SLC25A16: variants seen among roughly 807,000 people sequenced by gnomAD.
SLC25A16 encodes solute carrier family 25 member 16.
Under a neutral mutation model 41.5 loss-of-function variants are expected in SLC25A16, and 39 were observed. That is an observed-to-expected ratio of 0.94 (90% CI 0.73 to 1.23). The LOEUF is 1.23. Among genes scored for constraint, SLC25A16 ranks in the 50% most tolerant of loss-of-function variants. The pLI, the probability that SLC25A16 is intolerant of heterozygous loss-of-function variation, is 0.00. For missense variants in SLC25A16, 421 were observed against 426.9 expected, an observed-to-expected ratio of 0.99 and a Z score of 0.12; for synonymous variants, 146 against 147.8, an observed-to-expected ratio of 0.99 and a Z score of 0.09.
chr10:68,484,465 T>C (rs1432241930), intron 8 of SLC25A16, among the ~76,000 whole-genome samples: 2 of 151,320 alleles, frequency 1.3e-5, no homozygotes, highest in Non-Finnish European at 2.9e-5. Flanking sequence ...TCTCACTCTG[T>C]TGCCTAGGCT....
chr10:68,520,132 A>C (rs1011883853), intron 1 of SLC25A16, among the ~76,000 whole-genome samples: 3 of 150,814 alleles, frequency 2.0e-5, no homozygotes, highest in Non-Finnish European at 4.4e-5. Flanking sequence ...TTCTTTTTTT[A>C]GTCTTTAGTA....
intron 4 of SLC25A16, among the ~76,000 whole-genome samples, chr10:68,497,198 G>A (rs1177027717): frequency 6.6e-6 from 1 of 152,096 alleles, no homozygotes; most frequent in Admixed American, 6.6e-5. Context: ...TGACATAGTG[G>A]GAGCAGCATC....
intron 4 of SLC25A16, among the ~76,000 whole-genome samples, chr10:68,501,978 C>A (rs2052854491): frequency 6.6e-6 from 1 of 152,032 alleles, no homozygotes. Context: ...CGGGTGGATA[C>A]CTGAAATCAG....
chr10:68,521,050 C>T (rs1189058916), intron 1 of SLC25A16, among the ~76,000 whole-genome samples: 2 of 152,036 alleles, frequency 1.3e-5, no homozygotes, highest in African/African-American at 4.8e-5. Flanking sequence ...AGGAGAATCA[C>T]TTGAACTTGG....
chr10:68,524,865 A>T (rs2053311038), intron 1 of SLC25A16, among the ~76,000 whole-genome samples: 1 of 151,776 alleles, frequency 6.6e-6, no homozygotes, highest in Non-Finnish European at 1.5e-5. Context: ...CGACAGAGTG[A>T]GACTCCATCT....
intron 4 of SLC25A16, among the ~76,000 whole-genome samples, chr10:68,497,389 G>GT (rs1346595854): frequency 1.3e-5 from 2 of 152,118 alleles, no homozygotes; most frequent in Non-Finnish European, 2.9e-5. Flanking sequence ...TTGGGAACAC[G>GT]TTACTACTTC....
At chr10:68,522,117 C>CA (rs1298346532) in intron 1 of SLC25A16, among the ~76,000 whole-genome samples, 1 of 150,732 alleles carries the variant, frequency 6.6e-6, no homozygotes, top group Non-Finnish European at 1.5e-5. Flanking sequence ...GAGCTGAGAT[C>CA]ATGCTGCTGC....
intron 4 of SLC25A16, among the ~76,000 whole-genome samples, chr10:68,498,388 A>G (rs564392795): frequency 7.2e-6 from 1 of 139,784 alleles, no homozygotes; most frequent in Non-Finnish European, 1.5e-5. Flanking sequence ...ATTCCCTTTT[A>G]AATATAAAAG....
chr10:68,509,953 C>T (rs968433020), intron 2 of SLC25A16, among the ~76,000 whole-genome samples: 22 of 151,336 alleles, frequency 1.5e-4, no homozygotes, highest in Non-Finnish European at 2.8e-4. Flanking sequence ...GGCACATGCC[C>T]GTAATCCCAG....
chr10:68,523,361 G>A (rs2053280214), intron 1 of SLC25A16, among the ~76,000 whole-genome samples: 1 of 152,144 alleles, frequency 6.6e-6, no homozygotes, highest in Non-Finnish European at 1.5e-5. Flanking sequence ...CCAAAGTGCT[G>A]AGAATAGAGG....
At chr10:68,498,415 C>G (rs545235671) in intron 4 of SLC25A16, among the ~76,000 whole-genome samples, 15 of 150,900 alleles carry the variant, frequency 9.9e-5, no homozygotes, top group Non-Finnish European at 2.1e-4. Context: ...GAAGGCCAGG[C>G]GCAGTGGCAC....
At chr10:68,488,686 A>T in intron 6 of SLC25A16, 57 bp from the exon 7 acceptor site, 2 of 1,347,342 alleles carry the variant, frequency 1.5e-6, no homozygotes, top group Non-Finnish European at 1.0e-6. Flanking sequence ...GCTGTGAAAA[A>T]GACACCATTC....
chr10:68,488,558 G>A lies in SLC25A16; in HGVS notation c.682C>T (p.Pro228Ser). ...AAGACATTAGGATTGTCTGATGAAG[G>A]TCTGCCAAGAAGGGTAGGAGCATGG... Reference protein sequence around the residue: ...LSHAPTLLGRPSSDNPNVLVL... With the variant: ...LSHAPTLLGRSSSDNPNVLVL... Residue 228 changes from proline to serine, a missense_variant, in exon 7 of 9, where the codon CCT becomes TCT. Pro to Ser is a moderately conservative substitution (Grantham distance 74). Coordinates refer to ENST00000609923, the MANE Select transcript of SLC25A16 (RefSeq NM_152707.4). The A allele has an allele frequency of 1.9e-6, 3 of 1,603,360 alleles. No homozygotes were observed. Among genetic ancestry groups the A allele is most frequent in the South Asian group, 1.1e-5 (1 of 88,294 alleles).
intron 3 of SLC25A16, among the ~76,000 whole-genome samples, chr10:68,505,527 A>C (rs1412322302): frequency 6.6e-6 from 1 of 150,952 alleles, no homozygotes; most frequent in East Asian, 1.9e-4. Context: ...TAATCCCAAG[A>C]ATTTGGGAGG....
At chr10:68,487,436 G>A (rs757284063) in intron 7 of SLC25A16, among the ~76,000 whole-genome samples, 8 of 152,138 alleles carry the variant, frequency 5.3e-5, no homozygotes, top group Non-Finnish European at 1.2e-4. Flanking sequence ...TCCCATCACC[G>A]TAATATCAAG....
intron 4 of SLC25A16, chr10:68,500,000 T>C: frequency 2.5e-6 from 1 of 398,484 alleles, no homozygotes; most frequent in South Asian, 2.9e-5. Flanking sequence ...TGATAAAAAC[T>C]CGAAATAAAA....
chr10:68,495,781 C>CAAAAAA (rs60845242), intron 4 of SLC25A16, among the ~76,000 whole-genome samples: 14 of 89,568 alleles, frequency 1.6e-4, no homozygotes, highest in African/African-American at 4.6e-4. Flanking sequence ...GACTATGTCT[C>CAAAAAA]AAAAAAAAAA....
intron 4 of SLC25A16, chr10:68,499,788 AG>A (rs2052810230): frequency 2.3e-6 from 1 of 430,542 alleles, no homozygotes; most frequent in Admixed American, 2.8e-5. Flanking sequence ...GAATGAGTGC[AG>A]TGGGAAAAGG....
chr10:68,521,799 G>A (rs933239078), intron 1 of SLC25A16, among the ~76,000 whole-genome samples: 3 of 150,860 alleles, frequency 2.0e-5, no homozygotes, highest in Non-Finnish European at 4.4e-5. Context: ...GGGTTTCACC[G>A]TTTTAGCCGG....
Sources: allele counts gnomAD v4.1 joint callset (sites outside exome capture counted in the v4.1 genomes callset), GRCh38; gene constraint gnomAD v4.1.1; transcripts MANE v1.5; gene names NCBI Gene and HGNC (gene_info 2026-07-23, HGNC 2026-07-21).